The following FBXO10 variants were observed in gnomAD, a reference collection of about 807,000 sequenced individuals.
FBXO10 encodes F-box protein 10, also known as F-box only protein 10.
A neutral mutation model predicts 80.7 loss-of-function variants in FBXO10; 39 were observed. The ratio of observed to expected loss-of-function variants is 0.48; its 90% CI spans 0.37 to 0.63. FBXO10 has a LOEUF of 0.63. FBXO10 is among the 30% of genes least tolerant of loss of function. The probability of loss-of-function intolerance (pLI) is 0.00; values close to 1 mark genes in which losing one functional copy is unlikely to be tolerated. For missense variants in FBXO10, 1,025 were observed against 1,269.0 expected, an observed-to-expected ratio of 0.81 and a Z score of 2.92; for synonymous variants, 449 against 489.6, an observed-to-expected ratio of 0.92 and a Z score of 1.09.
chr9:37,518,543 G>A (rs529536389), intron 8 of FBXO10, 105 bp from the exon 9 acceptor site: 9 of 963,674 alleles, frequency 9.3e-6, no homozygotes, highest in South Asian at 7.0e-5. Flanking sequence ...AGAACGGAGT[G>A]GAGAAGAAGA....
chr9:37,533,177 T>C (rs974965795), intron 3 of FBXO10, among the ~76,000 whole-genome samples: 2 of 151,998 alleles, frequency 1.3e-5, no homozygotes, highest in Non-Finnish European at 2.9e-5. Flanking sequence ...GTCTCCCCCA[T>C]GTCTGTGGGT....
intron 1 of FBXO10, among the ~76,000 whole-genome samples, chr9:37,573,670 T>C (rs941533685): frequency 2.6e-5 from 4 of 152,132 alleles, no homozygotes; most frequent in Non-Finnish European, 5.9e-5. Context: ...GAATTCTCAC[T>C]AATAAGGACA....
intron 8 of FBXO10, among the ~76,000 whole-genome samples, chr9:37,521,338 C>G (rs1469098659): frequency 6.6e-6 from 1 of 151,978 alleles, no homozygotes; most frequent in Admixed American, 6.5e-5. Context: ...CTCTCCCTGG[C>G]CCCCACACTG....
At chr9:37,548,893 C>T (rs769595317) in intron 1 of FBXO10, among the ~76,000 whole-genome samples, 6 of 152,198 alleles carry the variant, frequency 3.9e-5, no homozygotes, top group East Asian at 1.9e-4. Context: ...GGACTACAGG[C>T]GCCCGCCACC....
At chr9:37,549,833 T>C (rs887426626) in intron 1 of FBXO10, among the ~76,000 whole-genome samples, 1 of 152,210 alleles carries the variant, frequency 6.6e-6, no homozygotes, top group Admixed American at 6.5e-5. Flanking sequence ...ATACTACAAG[T>C]GGCATTGTAC....
chr9:37,570,421 G>A (rs1822722205), intron 1 of FBXO10, among the ~76,000 whole-genome samples: 1 of 151,794 alleles, frequency 6.6e-6, no homozygotes, highest in Non-Finnish European at 1.5e-5. Context: ...TAAATAGAGA[G>A]AATCAAAAAG....
intron 9 of FBXO10, among the ~76,000 whole-genome samples, chr9:37,516,488 A>G (rs1488638822): frequency 3.9e-5 from 6 of 152,236 alleles, no homozygotes; most frequent in African/African-American, 1.4e-4. Context: ...CTCTTTGCCT[A>G]AAGTCACTAA....
chr9:37,535,106 A>T (rs1821725043), intron 3 of FBXO10, among the ~76,000 whole-genome samples: 1 of 152,158 alleles, frequency 6.6e-6, no homozygotes, highest in South Asian at 2.1e-4. Context: ...AACTAGCACG[A>T]GGTAATGCTG....
intron 1 of FBXO10, among the ~76,000 whole-genome samples, chr9:37,573,267 G>A (rs1822805004): frequency 6.6e-6 from 1 of 152,170 alleles, no homozygotes; most frequent in Admixed American, 6.5e-5. Context: ...AAGGTTGCTA[G>A]CAGGAAGGGC....
rs1327608899 is a variant in FBXO10 at position 37,537,483 on chromosome 9, T to C, written c.1046A>G (p.Gln349Arg). Residue 349 changes from glutamine to arginine, a missense_variant, in exon 3 of 11, where the codon CAG (glutamine) becomes CGG (arginine). Transcript: ENST00000432825. ...EVGSDGERVA[Q>R]TPDSSDGGLS... is the part of the protein sequence containing the mutation. ...GCCTCCATCGCTGCTGTCCGGGGTC[T>C]GGGCCACCCTTTCACCATCACTACC... 2 of 1,609,496 alleles carry C rather than the reference T, an allele frequency of 1.2e-6. No homozygotes were observed. Among genetic ancestry groups the C allele is most frequent in the Non-Finnish European group, 1.7e-6 (2 of 1,178,036 alleles).
Position 37,521,555 on chromosome 9 carries a change from G to A in FBXO10, c.2200+14C>T, listed in dbSNP as rs766322684. On this transcript the variant is annotated intron_variant, in intron 8 of 10. Transcript: ENST00000432825. ...TGGAAGGTTCTTGAGCAGGGGCTGA[G>A]GGGGTATACTCACCTCCATTGTGAT... The A allele has an allele frequency of 1.3e-6, 2 of 1,577,680 alleles. No homozygotes were observed. The highest frequency in any genetic ancestry group is 1.2e-5 in the South Asian group (1 of 85,652).
At chr9:37,571,999 G>C (rs1004369736) in intron 1 of FBXO10, among the ~76,000 whole-genome samples, 1 of 151,744 alleles carries the variant, frequency 6.6e-6, no homozygotes, top group Non-Finnish European at 1.5e-5. Context: ...TTATCTGGCT[G>C]TCCCAGCTGC....
intron 1 of FBXO10, among the ~76,000 whole-genome samples, chr9:37,546,831 C>G (rs1822069286): frequency 6.6e-6 from 1 of 151,992 alleles, no homozygotes; most frequent in African/African-American, 2.4e-5. Flanking sequence ...CAGGCGTGCG[C>G]CACCACGCCT....
chr9:37,559,035 C>T (rs1822408914), intron 1 of FBXO10, among the ~76,000 whole-genome samples: 1 of 152,162 alleles, frequency 6.6e-6, no homozygotes, highest in Non-Finnish European at 1.5e-5. Flanking sequence ...TTTTGAACTC[C>T]TGACCTCAGG....
At chr9:37,519,982 C>T (rs1821287804) in intron 8 of FBXO10, among the ~76,000 whole-genome samples, 1 of 152,076 alleles carries the variant, frequency 6.6e-6, no homozygotes, top group Non-Finnish European at 1.5e-5. Flanking sequence ...ACCACCATGC[C>T]CAGCTAATCT....
intron 2 of FBXO10, among the ~76,000 whole-genome samples, chr9:37,538,243 C>A (rs1474631739): frequency 6.6e-6 from 1 of 152,128 alleles, no homozygotes; most frequent in East Asian, 1.9e-4. Context: ...AACCTCAAGT[C>A]TCAATCACGT....
At chr9:37,573,600 A>G (rs1456871765) in intron 1 of FBXO10, among the ~76,000 whole-genome samples, 1 of 152,222 alleles carries the variant, frequency 6.6e-6, no homozygotes, top group African/African-American at 2.4e-5. Flanking sequence ...GGAGAGTGAC[A>G]GTAAGACTGA....
chr9:37,566,189 T>C (rs902658578), intron 1 of FBXO10, among the ~76,000 whole-genome samples: 8 of 152,322 alleles, frequency 5.3e-5, no homozygotes, highest in African/African-American at 1.7e-4. Flanking sequence ...AGACTAATCA[T>C]GACGGCAGGT....
intron 2 of FBXO10, among the ~76,000 whole-genome samples, chr9:37,540,186 T>G (rs1197331500): frequency 6.6e-6 from 1 of 151,386 alleles, no homozygotes; most frequent in South Asian, 2.1e-4. Flanking sequence ...AAATCATATA[T>G]ATATGATTTT....
Sources: allele counts gnomAD v4.1 joint callset (sites outside exome capture counted in the v4.1 genomes callset), GRCh38; gene constraint gnomAD v4.1.1; transcripts MANE v1.5; gene names NCBI Gene and HGNC (gene_info 2026-07-23, HGNC 2026-07-21).